PEX7: variants seen among roughly 807,000 people sequenced by gnomAD.
PEX7 encodes the protein peroxisomal biogenesis factor 7.
PEX7 carries 34 observed loss-of-function variants against 47.5 expected under a neutral mutation model. The ratio of observed to expected loss-of-function variants is 0.72; its 90% CI spans 0.54 to 0.95. The LOEUF is 0.95. Among genes scored for constraint, PEX7 ranks in the 40% least tolerant of loss-of-function variants. The pLI, the probability that PEX7 is intolerant of heterozygous loss-of-function variation, is 0.00. For missense variants in PEX7, 394 were observed against 400.3 expected, an observed-to-expected ratio of 0.98 and a Z score of 0.13; for synonymous variants, 141 against 148.8, an observed-to-expected ratio of 0.95 and a Z score of 0.38.
chr6:136,874,070 G>A (rs1319419527), intron 8 of PEX7, among the ~76,000 whole-genome samples: 1 of 152,158 alleles, frequency 6.6e-6, no homozygotes, highest in African/African-American at 2.4e-5. Context: ...GATATTAGTT[G>A]CAGTTTTCTT....
At chr6:136,883,908 A>G (rs916235771) in intron 8 of PEX7, among the ~76,000 whole-genome samples, 1 of 152,242 alleles carries the variant, frequency 6.6e-6, no homozygotes, top group Non-Finnish European at 1.5e-5. Context: ...CACAGGCAGT[A>G]TATAGAAGCA....
At chr6:136,831,514 A>G (rs565547886) in intron 3 of PEX7, among the ~76,000 whole-genome samples, 9 of 152,234 alleles carry the variant, frequency 5.9e-5, no homozygotes, top group Non-Finnish European at 8.8e-5. Context: ...AAAACCAATC[A>G]TGACTTTCCA....
intron 8 of PEX7, among the ~76,000 whole-genome samples, chr6:136,873,277 T>G (rs1775213028): frequency 6.6e-6 from 1 of 152,204 alleles, no homozygotes; most frequent in African/African-American, 2.4e-5. Flanking sequence ...ATAGTTTATT[T>G]GGCTACCCTC....
intron 6 of PEX7, among the ~76,000 whole-genome samples, chr6:136,869,272 C>T (rs576377407): frequency 1.3e-5 from 2 of 151,954 alleles, no homozygotes; most frequent in Admixed American, 1.3e-4. Context: ...GACAGGGTCT[C>T]GCTGTGTCAT....
chr6:136,842,209 G>C (rs1774513535), intron 3 of PEX7, among the ~76,000 whole-genome samples: 1 of 151,958 alleles, frequency 6.6e-6, no homozygotes, highest in Non-Finnish European at 1.5e-5. Flanking sequence ...TGGCCAGGCT[G>C]GTCTTGAACT....
At chr6:136,881,865 A>C (rs1775381140) in intron 8 of PEX7, among the ~76,000 whole-genome samples, 1 of 152,128 alleles carries the variant, frequency 6.6e-6, no homozygotes. Flanking sequence ...CTGGGGAGGG[A>C]GGTGGCTTAG....
intron 5 of PEX7, among the ~76,000 whole-genome samples, chr6:136,864,142 CTT>C (rs1775015115): frequency 6.6e-6 from 1 of 151,952 alleles, no homozygotes. Flanking sequence ...TATACAATTA[CTT>C]TTATATCTCC....
chr6:136,886,406 G>A (rs1308930500), intron 8 of PEX7, among the ~76,000 whole-genome samples: 1 of 152,136 alleles, frequency 6.6e-6, no homozygotes, highest in African/African-American at 2.4e-5. Context: ...GATCTACCTT[G>A]CTGGGATGTT....
intron 9 of PEX7, among the ~76,000 whole-genome samples, chr6:136,901,746 C>T (rs1775757331): frequency 6.6e-6 from 1 of 152,204 alleles, no homozygotes; most frequent in Non-Finnish European, 1.5e-5. Context: ...AAATCTGCCA[C>T]ACTAACCTGT....
chr6:136,879,087 T>C (rs1196815551), intron 8 of PEX7, among the ~76,000 whole-genome samples: 1 of 152,172 alleles, frequency 6.6e-6, no homozygotes, highest in Non-Finnish European at 1.5e-5. Flanking sequence ...TTTTCCCTTT[T>C]CCATCAAATT....
At chr6:136,855,218 A>G (rs984892207) in intron 5 of PEX7, among the ~76,000 whole-genome samples, 1 of 152,208 alleles carries the variant, frequency 6.6e-6, no homozygotes. Flanking sequence ...GTATATTTGG[A>G]AAAGTATTAG....
chr6:136,855,721 A>G lies in PEX7; in HGVS notation c.526+9540A>G, dbSNP rs577368218. The G allele has an allele frequency of 8.5e-4, 323 of 382,206 alleles. 2 individuals carry two copies. The highest frequency in any genetic ancestry group is 1.3e-3 in the Non-Finnish European group (269 of 199,426). 23.7% of individuals were successfully genotyped at this position (382,206 alleles called of 1,614,324 possible). A position where few individuals can be genotyped will look rare whatever the true frequency, so the allele number is the denominator to read the frequency against. On this transcript the variant is annotated intron_variant, in intron 5 of 9. Coordinates refer to ENST00000318471, the MANE Select transcript of PEX7 (RefSeq NM_000288.4). ...CAGTTTGTTTTCTCTGACAGGATACATGACCATGACAAACACCCAGTTTGC... is the reference window on the plus strand; with the variant it reads ...CAGTTTGTTTTCTCTGACAGGATACGTGACCATGACAAACACCCAGTTTGC...
chr6:136,852,314 A>G (rs928403303), intron 5 of PEX7, among the ~76,000 whole-genome samples: 1 of 148,816 alleles, frequency 6.7e-6, no homozygotes, highest in Admixed American at 6.8e-5. Context: ...GGCCAGGGCA[A>G]TCAGGCAGGA....
chr6:136,903,683 G>A (rs1775792201), intron 9 of PEX7, among the ~76,000 whole-genome samples: 1 of 151,804 alleles, frequency 6.6e-6, no homozygotes. Flanking sequence ...TATTATTTGA[G>A]ACAGGGTCAC....
intron 8 of PEX7, among the ~76,000 whole-genome samples, chr6:136,877,864 G>T (rs1433685399): frequency 1.3e-5 from 2 of 152,112 alleles, no homozygotes; most frequent in East Asian, 3.8e-4. Context: ...GCTTGATGGG[G>T]ATAGCATTGA....
At position 136,826,826 on chromosome 6, in the gene PEX7, C is replaced by A. The variant is rs576763672; in HGVS notation, c.339+357C>A. 3.3e-5 allele frequency among the ~76,000 whole-genome samples: 5 copies of A among 152,190 alleles called. No homozygotes were observed. The South Asian group carries it at 8.3e-4, about 25-fold the overall frequency. On this transcript the variant is annotated intron_variant, in intron 3 of 9. Transcript: ENST00000318471. ...GTAGGTGGACTTTTCACATAGACATCACAAGATTGCCTTTGGGGCTTCAGT... is the reference window on the plus strand; with the variant it reads ...GTAGGTGGACTTTTCACATAGACATAACAAGATTGCCTTTGGGGCTTCAGT...
chr6:136,841,726 G>A (rs960539244), intron 3 of PEX7, among the ~76,000 whole-genome samples: 1 of 152,018 alleles, frequency 6.6e-6, no homozygotes, highest in African/African-American at 2.4e-5. Context: ...TGGGACTACT[G>A]TTATAGGTCA....
intron 5 of PEX7, among the ~76,000 whole-genome samples, chr6:136,853,630 G>C (rs966975377): frequency 2.6e-5 from 4 of 151,846 alleles, no homozygotes; most frequent in African/African-American, 9.7e-5. Context: ...AGTACTATTA[G>C]GTTGAAAATA....
intron 8 of PEX7, among the ~76,000 whole-genome samples, chr6:136,875,554 G>GAACATAT (rs1242870717): frequency 2.6e-5 from 4 of 152,134 alleles, no homozygotes; most frequent in African/African-American, 9.7e-5. Context: ...TTGAAATTTG[G>GAACATAT]GGGAAGTGGA....
Sources: gnomAD v4.1 joint callset for allele counts (sites outside exome capture counted in the v4.1 genomes callset) on GRCh38, gnomAD v4.1.1 for gene constraint, MANE v1.5 for transcripts, NCBI Gene and HGNC (gene_info 2026-07-23, HGNC 2026-07-21) for gene names.